The following PCDHGA7 variants were observed in gnomAD, a reference collection of about 807,000 sequenced individuals.
PCDHGA7 encodes the protein protocadherin gamma-A7.
A neutral mutation model predicts 58.3 loss-of-function variants in PCDHGA7; 44 were observed. That is an observed-to-expected ratio of 0.75 (90% CI 0.59 to 0.97). The LOEUF is 0.97. Ranked by LOEUF, PCDHGA7 falls within the 50% of genes least tolerant of loss-of-function variation. PCDHGA7 has a pLI of 0.00. For synonymous variants in PCDHGA7, 516 were observed against 504.2 expected, an observed-to-expected ratio of 1.02 and a Z score of -0.31; for missense variants, 1,266 against 1,188.7, an observed-to-expected ratio of 1.06 and a Z score of -0.96.
intron 1 of PCDHGA7, among the ~76,000 whole-genome samples, chr5:141,405,943 CATA>C (rs1017424287): frequency 6.6e-6 from 1 of 152,106 alleles, no homozygotes; most frequent in Non-Finnish European, 1.5e-5. Flanking sequence ...TTCATGTTCT[CATA>C]ATAATTAACC....
In PCDHGA7 at chr5:141,476,653, C is replaced by T; in HGVS notation, c.2425-18154C>T. ...CCTATGAGCTGAGCCGAAATGAATA[C>T]TTTGCGCTTCGCGTGCAGACGCGGG... is the stretch of plus-strand genomic sequence containing the variant. On this transcript the variant is annotated intron_variant, in intron 1 of 3. Transcript: ENST00000518325. The surrounding 1 kb of genome is among the most constrained non-coding windows in gnomAD (Gnocchi z 7.6). 6.2e-7 allele frequency: 1 copy of T among 1,614,270 alleles called. No individual in the cohort carries two copies. The highest frequency in any genetic ancestry group is 8.5e-7 in the Non-Finnish European group (1 of 1,180,058).
intron 1 of PCDHGA7, among the ~76,000 whole-genome samples, chr5:141,472,357 C>T (rs1020143523): frequency 2.4e-4 from 37 of 152,012 alleles, no homozygotes; most frequent in Non-Finnish European, 1.5e-4. Context: ...CTGGCTAACA[C>T]GGTGAAACCC....
chr5:141,479,000 T>C (rs2099485433), intron 1 of PCDHGA7, among the ~76,000 whole-genome samples: 1 of 152,244 alleles, frequency 6.6e-6, no homozygotes, highest in Non-Finnish European at 1.5e-5. Flanking sequence ...TTAAAACTAA[T>C]AGCTTTTTGA....
chr5:141,393,573 A>G lies in PCDHGA7; in HGVS notation c.2424+8250A>G, dbSNP rs568065764. 1.2e-4 allele frequency: 190 copies of G among 1,613,964 alleles called. 1 individual carries two copies. In the South Asian group the frequency reaches 2.0e-3, roughly 17 times the overall value. ...GATTTACCGAGTGAAAGTCCTTGAGAACATGCCCCCAGGCACGCGGCTGCT... is the reference window on the plus strand; with the variant it reads ...GATTTACCGAGTGAAAGTCCTTGAGGACATGCCCCCAGGCACGCGGCTGCT... On this transcript the variant is annotated intron_variant, in intron 1 of 3. Coordinates refer to ENST00000518325, the MANE Select transcript of PCDHGA7 (RefSeq NM_018920.4).
intron 1 of PCDHGA7, chr5:141,415,704 T>G: frequency 7.4e-7 from 1 of 1,344,464 alleles, no homozygotes; most frequent in Non-Finnish European, 1.0e-6. Flanking sequence ...GTGTAAATGC[T>G]AAAACACTGA....
At chr5:141,414,894 A>T in intron 1 of PCDHGA7, 1 of 1,613,958 alleles carries the variant, frequency 6.2e-7, no homozygotes, top group South Asian at 1.1e-5. Flanking sequence ...CCCTCCCCAC[A>T]GACGGTTCCA....
At chr5:141,409,729 G>A (rs781234442) in intron 1 of PCDHGA7, 161 of 1,612,966 alleles carry the variant, frequency 1.0e-4, no homozygotes, top group Non-Finnish European at 1.7e-6. Context: ...CAGTGAGCGC[G>A]CAGAGCGGGG....
rs750804901 is a variant in PCDHGA7, at chr5:141,476,422, C to T, written c.2425-18385C>T. ...GAGAGGAGCTGTGTGGGACACTGCC[C>T]TCTTGCACTGTAACTCTGGAGTTGG... On this transcript the variant is annotated intron_variant, in intron 1 of 3. Transcript: ENST00000518325. The surrounding 1 kb of genome is among the most constrained non-coding windows in gnomAD (Gnocchi z 7.6). The T allele has an allele frequency of 1.7e-5, 28 of 1,614,026 alleles. No homozygotes were observed. Among genetic ancestry groups the T allele is most frequent in the East Asian group, 2.2e-5 (1 of 44,860 alleles).
rs1167955962 is a variant in PCDHGA7, at chr5:141,477,078, A to G, written c.2425-17729A>G. ...GAGGACACCAAACTCCATGAGATTT[A>G]CATCCAGGCCAAAGACAAGGGCGCC... On this transcript the variant is annotated intron_variant, in intron 1 of 3. Transcript: ENST00000518325. This position sits in a 1 kb window ranked among gnomAD's most constrained non-coding sequence, Gnocchi z 4.9. The G allele has an allele frequency of 6.8e-6, 11 of 1,614,262 alleles. No individual in the cohort carries two copies. In the South Asian group the frequency reaches 1.2e-4, roughly 18 times the overall value.
intron 1 of PCDHGA7, chr5:141,405,408 TTTTTTTG>T (rs2094659443): frequency 2.5e-6 from 4 of 1,572,390 alleles, no homozygotes; most frequent in African/African-American, 1.4e-5. Flanking sequence ...CTTTCTTTTC[TTTTTTTG>T]TTTTTTGTTT....
At chr5:141,398,568 G>A (rs761294182) in intron 1 of PCDHGA7, 5 of 1,614,014 alleles carry the variant, frequency 3.1e-6, no homozygotes, top group African/African-American at 1.3e-5. Flanking sequence ...AGTCTGCACA[G>A]CCTGGCACAA....
At chr5:141,394,742 G>A (rs752402821) in intron 1 of PCDHGA7, 5 of 1,613,300 alleles carry the variant, frequency 3.1e-6, no homozygotes, top group African/African-American at 1.3e-5. Flanking sequence ...AGAGCCTCGT[G>A]GTGGCCGTCC....
chr5:141,383,107 G>A lies in PCDHGA7; in HGVS notation c.208G>A (p.Gly70Ser). Residue 70 changes from glycine (G) to serine (S), a missense_variant, in exon 1 of 4, where the codon GGT (glycine) becomes AGT (serine). Coordinates refer to ENST00000518325, the MANE Select transcript of PCDHGA7 (RefSeq NM_018920.4). ...AERGVRIISRGRTQLFALNQR... is the reference protein window; with the variant it reads ...AERGVRIISRSRTQLFALNQR... ...GCGCGGAGTCCGCATCATCTCCAGA[G>A]GTAGGACGCAGCTTTTCGCCCTGAA... 1 of 1,614,032 alleles carries A rather than the reference G, an allele frequency of 6.2e-7. No homozygotes were observed. Among genetic ancestry groups the A allele is most frequent in the South Asian group, 1.1e-5 (1 of 91,080 alleles).
chr5:141,478,652 G>A (rs188883724), intron 1 of PCDHGA7: 2 of 1,551,970 alleles, frequency 1.3e-6, no homozygotes, highest in East Asian at 2.4e-5. Flanking sequence ...TGTTTTCCTG[G>A]TGATGCATTC....
At chr5:141,405,523 G>T (rs140184617) in intron 1 of PCDHGA7, 2 of 679,202 alleles carry the variant, frequency 2.9e-6, no homozygotes, top group African/African-American at 3.6e-5. Context: ...AAATTCAAGC[G>T]ATTCTCCTGC....
At chr5:141,461,082 T>C (rs2099008648) in intron 1 of PCDHGA7, among the ~76,000 whole-genome samples, 1 of 152,070 alleles carries the variant, frequency 6.6e-6, no homozygotes, top group South Asian at 2.1e-4. Flanking sequence ...AATTGTGAAT[T>C]GTGCTGCTAT....
chr5:141,468,229 G>A (rs1363462610), intron 1 of PCDHGA7, among the ~76,000 whole-genome samples: 4 of 150,884 alleles, frequency 2.7e-5, no homozygotes, highest in Non-Finnish European at 5.9e-5. Flanking sequence ...GGAGGATGAG[G>A]TAGGAGAATT....
At chr5:141,405,830 G>A (rs1214599375) in intron 1 of PCDHGA7, among the ~76,000 whole-genome samples, 3 of 152,148 alleles carry the variant, frequency 2.0e-5, no homozygotes, top group East Asian at 1.9e-4. Flanking sequence ...ACTTAAGGTA[G>A]TATAAGTTGA....
intron 1 of PCDHGA7, chr5:141,421,959 A>T: frequency 6.2e-7 from 1 of 1,612,798 alleles, no homozygotes; most frequent in Non-Finnish European, 8.5e-7. Flanking sequence ...CAATGTTTAC[A>T]CAGTCCGTAT....
Sources: allele counts gnomAD v4.1 joint callset (sites outside exome capture counted in the v4.1 genomes callset), GRCh38; gene constraint gnomAD v4.1.1; non-coding constraint Gnocchi (gnomAD v3.1); transcripts MANE v1.5; gene names NCBI Gene and HGNC (gene_info 2026-07-23, HGNC 2026-07-21).